Variants in SORCS3 observed in about 807,000 individuals in gnomAD.
The protein encoded by SORCS3 is sortilin related VPS10 domain containing receptor 3, also known as VPS10 domain-containing receptor SorCS3.
A neutral mutation model predicts 146.3 loss-of-function variants in SORCS3; 57 were observed. The observed-to-expected ratio is 0.39, with a 90% confidence interval of 0.31 to 0.49. The LOEUF (loss-of-function observed/expected upper bound fraction) is 0.49. SORCS3 is among the 20% of genes least tolerant of loss of function. The pLI is 0.92. For missense variants in SORCS3, 1,341 were observed against 1,575.5 expected, an observed-to-expected ratio of 0.85 and a Z score of 2.52; for synonymous variants, 653 against 618.5, an observed-to-expected ratio of 1.06 and a Z score of -0.83.
intron 2 of SORCS3, among the ~76,000 whole-genome samples, chr10:104,860,355 T>G: frequency 8.1e-6 from 1 of 122,774 alleles, no homozygotes; most frequent in African/African-American, 2.8e-5. Flanking sequence ...CACTCATAGG[T>G]GGGAATTGAA....
chr10:104,777,938 A>C (rs932373168), intron 1 of SORCS3, among the ~76,000 whole-genome samples: 2 of 152,114 alleles, frequency 1.3e-5, no homozygotes, highest in African/African-American at 4.8e-5. Context: ...AGAGGTAGAG[A>C]GTGAAATGGT....
At chr10:105,213,519 T>C (rs1341567322) in intron 17 of SORCS3, among the ~76,000 whole-genome samples, 10 of 152,230 alleles carry the variant, frequency 6.6e-5, no homozygotes. Flanking sequence ...AGTGGTGGTG[T>C]GTTTCTTTCA....
intron 1 of SORCS3, among the ~76,000 whole-genome samples, chr10:104,767,948 TCATCGTACTC>T (rs2017201130): frequency 6.6e-6 from 1 of 152,026 alleles, no homozygotes; most frequent in Admixed American, 6.6e-5. Flanking sequence ...TAGGCATTGC[TCATCGTACTC>T]CAGTACAGTG....
At chr10:105,245,427 T>G in intron 20 of SORCS3, 115 bp from the exon 21 acceptor site, 3 of 1,238,894 alleles carry the variant, frequency 2.4e-6, no homozygotes, top group Non-Finnish European at 3.4e-6. Flanking sequence ...ATAACGTTTG[T>G]TTGTTTGTTT....
intron 3 of SORCS3, among the ~76,000 whole-genome samples, chr10:104,956,479 A>G (rs144156097): frequency 2.0e-5 from 3 of 152,386 alleles, no homozygotes; most frequent in African/African-American, 7.2e-5. Flanking sequence ...ACCATGGGAC[A>G]TGGAAGGCAA....
chr10:104,970,163 G>A (rs2054851974), intron 3 of SORCS3, among the ~76,000 whole-genome samples: 1 of 151,870 alleles, frequency 6.6e-6, no homozygotes. Context: ...TTTGTTTTGA[G>A]ACAGAGTCTC....
chr10:104,789,677 C>T, intron 1 of SORCS3, among the ~76,000 whole-genome samples: 1 of 152,120 alleles, frequency 6.6e-6, no homozygotes, highest in Non-Finnish European at 1.5e-5. Flanking sequence ...TGAATGGATG[C>T]AATGGATGCA....
intron 2 of SORCS3, among the ~76,000 whole-genome samples, chr10:104,892,676 C>T (rs1334160381): frequency 1.3e-5 from 2 of 151,984 alleles, no homozygotes; most frequent in African/African-American, 4.8e-5. Flanking sequence ...TAGCCGAGAT[C>T]GTGCCACTGC....
intron 5 of SORCS3, among the ~76,000 whole-genome samples, chr10:105,062,572 G>A (rs1300420442): frequency 6.6e-6 from 1 of 152,188 alleles, no homozygotes; most frequent in Non-Finnish European, 1.5e-5. Context: ...AGGGTGTTGA[G>A]TATTTCAGCG....
At chr10:105,063,006 C>G (rs1445560554) in intron 5 of SORCS3, among the ~76,000 whole-genome samples, 2 of 152,116 alleles carry the variant, frequency 1.3e-5, no homozygotes, top group African/African-American at 2.4e-5. Context: ...GGGGAAGTGA[C>G]CATGAAGAAA....
At chr10:104,803,409 G>C (rs2017646583) in intron 1 of SORCS3, among the ~76,000 whole-genome samples, 1 of 152,136 alleles carries the variant, frequency 6.6e-6, no homozygotes, top group Admixed American at 6.5e-5. Context: ...ATTTCTCTCA[G>C]GAGCTGCCTG....
chr10:104,802,237 G>A (rs756409691), intron 1 of SORCS3, among the ~76,000 whole-genome samples: 3 of 152,090 alleles, frequency 2.0e-5, no homozygotes, highest in Non-Finnish European at 2.9e-5. Context: ...TGATAGGAAG[G>A]GAGGGCCTAA....
At position 105,195,565 on chromosome 10, in the gene SORCS3, G is replaced by C. The variant is rs12357874; in HGVS notation, c.2010-4434G>C. Among the ~76,000 whole-genome samples, 544 of 152,268 alleles carry C rather than the reference G, an allele frequency of 3.6e-3. 1 individual carries two copies. The highest frequency in any genetic ancestry group is 6.0e-3 in the Non-Finnish European group (410 of 68,022). Reference sequence around the variant, plus strand: ...TCCCTGCTTATTTTGCTATGTTTCTGTCATTTCTTCAGCTTCCATAAGCTT... The same window carrying C: ...TCCCTGCTTATTTTGCTATGTTTCTCTCATTTCTTCAGCTTCCATAAGCTT... On this transcript the variant is annotated intron_variant, in intron 14 of 26. Coordinates refer to ENST00000369701, the MANE Select transcript of SORCS3 (RefSeq NM_014978.3).
intron 2 of SORCS3, among the ~76,000 whole-genome samples, chr10:104,864,623 G>T (rs535028184): frequency 6.6e-6 from 1 of 152,236 alleles, no homozygotes; most frequent in African/African-American, 2.4e-5. Flanking sequence ...CCAGTTGGGT[G>T]CTCCAAGGTC....
At chr10:105,249,750 G>A (rs77900229) in intron 22 of SORCS3, among the ~76,000 whole-genome samples, 2 of 152,066 alleles carry the variant, frequency 1.3e-5, no homozygotes, top group South Asian at 2.1e-4. Context: ...TCCGGGCATG[G>A]TGGTGCATGC....
rs150820017 is a variant in SORCS3 at position 104,881,943 on chromosome 10, T to C, written c.696-33890T>C. ...GGATTGAAAGGGATTTAAAAACTCTTTGCATCTTCAGCAGTTGGTAAGCAT... is the reference window on the plus strand; with the variant it reads ...GGATTGAAAGGGATTTAAAAACTCTCTGCATCTTCAGCAGTTGGTAAGCAT... On this transcript the variant is annotated intron_variant, in intron 2 of 26. Transcript: ENST00000369701. Among the ~76,000 whole-genome samples, 506 of 152,222 alleles carry C rather than the reference T, an allele frequency of 3.3e-3. 2 individuals carry two copies. The highest frequency in any genetic ancestry group is 0.018 in the South Asian group (88 of 4,822).
rs1430193114 is a variant in SORCS3 at position 104,641,552 on chromosome 10, G to T, written c.225G>T (p.Ala75=). Residue 75 remains alanine (A), a synonymous_variant, in exon 1 of 27, where the codon GCG becomes GCT. Coordinates refer to ENST00000369701, the MANE Select transcript of SORCS3 (RefSeq NM_014978.3). The surrounding 1 kb of genome is among the most constrained non-coding windows in gnomAD (Gnocchi z 6.4). ...ASQWPEELAS[A]RRAAVLGRRA... ...AGTGGCCGGAGGAGCTGGCGTCGGC[G>T]CGGAGAGCCGCCGTGCTGGGGCGCC... 5 of 1,469,034 alleles carry T rather than the reference G, an allele frequency of 3.4e-6. No homozygotes were observed. Among genetic ancestry groups the T allele is most frequent in the Non-Finnish European group, 4.5e-6 (5 of 1,120,310 alleles). The allele number at this position is 1,469,034 out of a possible 1,614,324, so 91.0% of individuals were successfully genotyped here.
chr10:104,876,234 T>C (rs2018570048), intron 2 of SORCS3, among the ~76,000 whole-genome samples: 1 of 152,200 alleles, frequency 6.6e-6, no homozygotes, highest in Non-Finnish European at 1.5e-5. Context: ...TTTCCTGTTA[T>C]AGCCGGTTTG....
intron 1 of SORCS3, among the ~76,000 whole-genome samples, chr10:104,813,803 T>A: frequency 6.6e-6 from 1 of 151,966 alleles, no homozygotes. Context: ...TTTCATGGGT[T>A]TGAGAAAAAA....
Sources: allele counts gnomAD v4.1 joint callset (sites outside exome capture counted in the v4.1 genomes callset), GRCh38; gene constraint gnomAD v4.1.1; non-coding constraint Gnocchi (gnomAD v3.1); transcripts MANE v1.5; gene names NCBI Gene and HGNC (gene_info 2026-07-23, HGNC 2026-07-21).